Variants in RASSF3 observed in about 807,000 individuals in gnomAD.
The protein encoded by RASSF3 is Ras association domain family member 3.
A neutral mutation model predicts 19.9 loss-of-function variants in RASSF3; 19 were observed. The ratio of observed to expected loss-of-function variants is 0.96; its 90% CI spans 0.67 to 1.40. RASSF3 has a LOEUF of 1.40. Among genes scored for constraint, RASSF3 ranks in the 40% most tolerant of loss-of-function variants. RASSF3 has a pLI of 0.00. For missense variants in RASSF3, 306 were observed against 289.8 expected, an observed-to-expected ratio of 1.06 and a Z score of -0.41; for synonymous variants, 110 against 104.2, an observed-to-expected ratio of 1.06 and a Z score of -0.34.
chr12:64,685,357 A>G (rs1238316152), intron 2 of RASSF3, among the ~76,000 whole-genome samples: 2 of 151,926 alleles, frequency 1.3e-5, no homozygotes, highest in East Asian at 3.9e-4. Context: ...TAATCCTCCC[A>G]CCTCAGCCTC....
downstream of RASSF3, among the ~76,000 whole-genome samples, chr12:64,542,683 A>C (rs1228362199): frequency 6.6e-6 from 1 of 152,220 alleles, no homozygotes; most frequent in Non-Finnish European, 1.5e-5. Context: ...TAAGGCCAGG[A>C]ATTCAAGACC....
intron 2 of RASSF3, among the ~76,000 whole-genome samples, chr12:64,570,341 G>A (rs1869498466): frequency 6.6e-6 from 1 of 152,126 alleles, no homozygotes; most frequent in African/African-American, 2.4e-5. Flanking sequence ...GCAGCTGATG[G>A]ATTAGGAGGA....
At chr12:64,601,300 TAAA>T (rs1328294163) in intron 2 of RASSF3, among the ~76,000 whole-genome samples, 2 of 152,052 alleles carry the variant, frequency 1.3e-5, no homozygotes, top group African/African-American at 2.4e-5. Flanking sequence ...AAATATGTAA[TAAA>T]AAATTTAAAA....
intron 2 of RASSF3, among the ~76,000 whole-genome samples, chr12:64,548,442 G>A (rs1188093361): frequency 6.6e-6 from 1 of 152,066 alleles, no homozygotes; most frequent in Non-Finnish European, 1.5e-5. Flanking sequence ...CTCCTGCCTT[G>A]GCCTCCCAAA....
intron 2 of RASSF3, among the ~76,000 whole-genome samples, chr12:64,556,194 C>G (rs1024356623): frequency 6.6e-6 from 1 of 152,156 alleles, no homozygotes. Flanking sequence ...GGATCTCACT[C>G]TGTCACCCAG....
chr12:64,692,740 A>G (rs1400678869), intron 4 of RASSF3, among the ~76,000 whole-genome samples: 3 of 152,050 alleles, frequency 2.0e-5, no homozygotes, highest in Admixed American at 6.6e-5. Flanking sequence ...TGGTTATTTT[A>G]TTGTATTTTA....
intron 1 of RASSF3, among the ~76,000 whole-genome samples, chr12:64,621,596 T>G (rs1870767480): frequency 6.6e-6 from 1 of 152,032 alleles, no homozygotes; most frequent in Non-Finnish European, 1.5e-5. Flanking sequence ...TCCTGCTTCA[T>G]CCTCCCAAGT....
chr12:64,659,893 A>G (rs561594112), intron 1 of RASSF3, among the ~76,000 whole-genome samples: 1 of 152,062 alleles, frequency 6.6e-6, no homozygotes, highest in East Asian at 1.9e-4. Context: ...GGTTGCAGTG[A>G]GCTGAGATGG....
intron 2 of RASSF3, among the ~76,000 whole-genome samples, chr12:64,568,930 TC>T (rs1869475523): frequency 1.3e-5 from 2 of 152,310 alleles, no homozygotes; most frequent in East Asian, 3.9e-4. Flanking sequence ...CAGGCTGGTC[TC>T]GAACTCCTGA....
At chr12:64,640,234 C>T (rs1871467334) in intron 1 of RASSF3, among the ~76,000 whole-genome samples, 1 of 152,150 alleles carries the variant, frequency 6.6e-6, no homozygotes. Context: ...CATATGTACA[C>T]ACCAGTGATA....
rs532878287 is a variant in RASSF3, at chr12:64,685,742, G to A, written c.219+848G>A. ...ACACTGAAGCATGCAGGGAGTCGGC[G>A]TACAGGAGGGAGAAGCCTCAGGGCC... is the stretch of plus-strand genomic sequence containing the variant. On this transcript the variant is annotated intron_variant, in intron 2 of 4. Transcript: ENST00000542104. Among the ~76,000 whole-genome samples the A allele has an allele frequency of 5.3e-5, 8 of 152,318 alleles. No individual in the cohort carries two copies. In the South Asian group the frequency reaches 1.4e-3, roughly 28 times the overall value.
At chr12:64,653,847 C>T (rs1030013542) in intron 1 of RASSF3, among the ~76,000 whole-genome samples, 1 of 152,116 alleles carries the variant, frequency 6.6e-6, no homozygotes, top group African/African-American at 2.4e-5. Context: ...GCGCTCAGCC[C>T]TTAACGGTGT....
At chr12:64,660,658 C>T (rs531142345) in intron 1 of RASSF3, among the ~76,000 whole-genome samples, 3 of 152,230 alleles carry the variant, frequency 2.0e-5, no homozygotes, top group East Asian at 3.9e-4. Flanking sequence ...TTCTTTTTAA[C>T]GTATTTTTTC....
At chr12:64,682,290 CCACGAGATA>C (rs1873156370) in intron 1 of RASSF3, among the ~76,000 whole-genome samples, 1 of 152,096 alleles carries the variant, frequency 6.6e-6, no homozygotes, top group Non-Finnish European at 1.5e-5. Flanking sequence ...AGGCCGGGCG[CCACGAGATA>C]GGTGGCTCAC....
intron 1 of RASSF3, among the ~76,000 whole-genome samples, chr12:64,617,664 T>C (rs1870597485): frequency 6.6e-6 from 1 of 152,152 alleles, no homozygotes. Flanking sequence ...TTCAAGCAAT[T>C]CCCCTGCCTC....
chr12:64,578,478 A>T (rs747294187), intron 2 of RASSF3, among the ~76,000 whole-genome samples: 3 of 152,018 alleles, frequency 2.0e-5, no homozygotes, highest in Non-Finnish European at 4.4e-5. Flanking sequence ...ATATAGCAAG[A>T]CCCTGTCTCT....
At chr12:64,593,152 G>T (rs994089219) in intron 2 of RASSF3, among the ~76,000 whole-genome samples, 27 of 152,090 alleles carry the variant, frequency 1.8e-4, no homozygotes, top group African/African-American at 6.5e-4. Flanking sequence ...AACCCACCAT[G>T]ACCACAATCA....
intron 1 of RASSF3, among the ~76,000 whole-genome samples, chr12:64,671,095 ACCTCTGTGCTGGGGACT>A (rs753962872): frequency 1.1e-4 from 16 of 151,940 alleles, no homozygotes; most frequent in Non-Finnish European, 2.4e-4. Context: ...AGCTGCTGCC[ACCTCTGTGCTGGGGACT>A]CTCCCTTTGC....
chr12:64,508,765 T>C (rs1423735830), intron 1 of RASSF3, among the ~76,000 whole-genome samples: 1 of 151,812 alleles, frequency 6.6e-6, no homozygotes, highest in Non-Finnish European at 1.5e-5. Context: ...ATGCCTGTAA[T>C]CCCAGCTACT....
Sources: allele counts gnomAD v4.1 joint callset (sites outside exome capture counted in the v4.1 genomes callset), GRCh38; gene constraint gnomAD v4.1.1; transcripts MANE v1.5; gene names NCBI Gene and HGNC (gene_info 2026-07-23, HGNC 2026-07-21).